Variants in STARD9 observed in about 807,000 individuals in gnomAD.
STARD9 encodes stAR-related lipid transfer protein 9.
STARD9 carries 346 observed loss-of-function variants against 399.8 expected under a neutral mutation model. The ratio of observed to expected loss-of-function variants is 0.87; its 90% CI spans 0.79 to 0.95. The LOEUF is 0.95. Ranked by LOEUF, STARD9 falls within the 40% of genes least tolerant of loss-of-function variation. The probability of loss-of-function intolerance (pLI) is 0.00; values close to 1 mark genes in which losing one functional copy is unlikely to be tolerated. For synonymous variants in STARD9, 2,203 were observed against 2,143.5 expected (o/e 1.03, Z -0.77); for missense variants, 5,832 against 5,667.5 (o/e 1.03, Z -0.93).
At chr15:42,649,061 G>T (rs185193256) in intron 7 of STARD9, among the ~76,000 whole-genome samples, 3 of 151,598 alleles carry the variant, frequency 2.0e-5, no homozygotes, top group Non-Finnish European at 2.9e-5. Flanking sequence ...ATGGAGCCTC[G>T]CTGTGTTGCC....
chr15:42,638,912 T>C (rs537881325), intron 7 of STARD9, 100 bp downstream of exon 7: 4 of 631,876 alleles, frequency 6.3e-6, no homozygotes, highest in South Asian at 2.3e-5. Flanking sequence ...TGAACACTTA[T>C]CGTGTGCCAG....
chr15:42,602,319 A>T (rs1294051608), intron 3 of STARD9, among the ~76,000 whole-genome samples: 2 of 152,158 alleles, frequency 1.3e-5, no homozygotes, highest in Non-Finnish European at 2.9e-5. Flanking sequence ...TTCCAGTTGC[A>T]GGTTTTGATA....
intron 7 of STARD9, among the ~76,000 whole-genome samples, chr15:42,644,929 C>G (rs2059618274): frequency 6.6e-6 from 1 of 152,188 alleles, no homozygotes; most frequent in Non-Finnish European, 1.5e-5. Flanking sequence ...CTCTGCTCAT[C>G]CATAAGAAGC....
At chr15:42,583,138 GC>G (rs2141660158) in intron 1 of STARD9, among the ~76,000 whole-genome samples, 1 of 152,296 alleles carries the variant, frequency 6.6e-6, no homozygotes, top group African/African-American at 2.4e-5. Context: ...GTGAATGTGA[GC>G]TGTTGCAGAG....
chr15:42,654,786 A>G (rs925120979), intron 9 of STARD9, among the ~76,000 whole-genome samples: 3 of 152,234 alleles, frequency 2.0e-5, no homozygotes, highest in South Asian at 2.1e-4. Flanking sequence ...ATATGACACA[A>G]ACAAATGGAA....
chr15:42,629,174 T>G (rs2059282508), intron 3 of STARD9, among the ~76,000 whole-genome samples: 1 of 151,988 alleles, frequency 6.6e-6, no homozygotes, highest in Admixed American at 6.6e-5. Flanking sequence ...TATACACCAC[T>G]ACACCCTGCT....
intron 30 of STARD9, 90 bp from the exon 31 acceptor site, chr15:42,718,345 G>A: frequency 8.0e-7 from 1 of 1,254,116 alleles, no homozygotes; most frequent in Non-Finnish European, 1.1e-6. Flanking sequence ...CAAGTGATGG[G>A]GTGTTGGGGG....
At chr15:42,640,075 AG>A (rs2059503770) in intron 7 of STARD9, among the ~76,000 whole-genome samples, 2 of 152,114 alleles carry the variant, frequency 1.3e-5, no homozygotes, top group African/African-American at 4.8e-5. Context: ...GTGTGCATCT[AG>A]GCAGCGGATT....
At position 42,660,519 on chromosome 15, in the gene STARD9, C is replaced by A. The variant is rs1467770331; in HGVS notation, c.703-639C>A. Among the ~76,000 whole-genome samples, 6 of 150,104 alleles carry A rather than the reference C, an allele frequency of 4.0e-5. No homozygotes were observed. The South Asian group carries it at 8.5e-4, about 21-fold the overall frequency. On this transcript the variant is annotated intron_variant, in intron 9 of 32. Coordinates refer to ENST00000290607, the MANE Select transcript of STARD9 (RefSeq NM_020759.3). ...GCCAGAGGTTGCAGTGGGCCGAGAT[C>A]GTGCCATTGCACTCCAGCCTGGGTA...
At chr15:42,619,013 A>AT (rs2059031100) in intron 3 of STARD9, among the ~76,000 whole-genome samples, 1 of 151,712 alleles carries the variant, frequency 6.6e-6, no homozygotes, top group Non-Finnish European at 1.5e-5. Flanking sequence ...TTTATAACAC[A>AT]TTTTGTTTTC....
At chr15:42,650,126 G>C (rs2059730409) in intron 7 of STARD9, among the ~76,000 whole-genome samples, 1 of 152,068 alleles carries the variant, frequency 6.6e-6, no homozygotes, top group South Asian at 2.1e-4. Context: ...GCCTCCCAAA[G>C]TGCTGGGATT....
At chr15:42,620,286 ATT>A (rs869052417) in intron 3 of STARD9, among the ~76,000 whole-genome samples, 1 of 146,706 alleles carries the variant, frequency 6.8e-6, no homozygotes, top group African/African-American at 2.5e-5. Flanking sequence ...TTATAAGTAG[ATT>A]TTTTTTTTTT....
intron 20 of STARD9, among the ~76,000 whole-genome samples, chr15:42,679,584 T>C (rs924556841): frequency 6.6e-6 from 1 of 152,176 alleles, no homozygotes; most frequent in African/African-American, 2.4e-5. Context: ...CCATCCATCT[T>C]TTACTATCCT....
At chr15:42,699,554 C>T (rs1595802410) in intron 26 of STARD9, among the ~76,000 whole-genome samples, 1 of 151,610 alleles carries the variant, frequency 6.6e-6, no homozygotes, top group East Asian at 1.9e-4. Context: ...CCACCACGCC[C>T]AGCTAATTTT....
rs1233082351 is a variant in STARD9, at chr15:42,687,261, T to C, written c.5683T>C (p.Cys1895Arg). The change falls in exon 23 of 33, where the codon TGC becomes CGC. Residue 1895 changes from cysteine (C) to arginine (R), a missense_variant. Around this residue, in one of 2 missense-constraint regions of STARD9, gnomAD observed 5,828 missense variants for 5,651.1 expected, o/e 1.03. Coordinates refer to ENST00000290607, the MANE Select transcript of STARD9 (RefSeq NM_020759.3). ...AGGAGAGGTCACTGCTCAGTCCTGT[T>C]GCGGTGCTTCCTCAGACAGCACTGA... ...EGGEVTAQSC[C>R]GASSDSTESG... 3.3e-6 allele frequency: 5 copies of C among 1,537,002 alleles called. No individual in the cohort carries two copies. Among genetic ancestry groups the C allele is most frequent in the Non-Finnish European group, 4.4e-6 (5 of 1,146,936 alleles).
rs1306734514 is a variant in STARD9 at position 42,687,010 on chromosome 15, C to T, written c.5432C>T (p.Ser1811Leu). ...CAAAACCAGAATTCTAAGATTGCCT[C>T]ATCTCAGCAGGTCACAGCTGAGATA... ...LLQNQNSKIA[S>L]SQQVTAEIPV... The change falls in exon 23 of 33, where the codon TCA becomes TTA. Residue 1811 changes from serine to leucine, a missense_variant. Physicochemically the swap from Ser to Leu is moderately radical, Grantham distance 145. Transcript: ENST00000290607. 2.6e-6 allele frequency: 4 copies of T among 1,536,886 alleles called. No homozygotes were observed. The highest frequency in any genetic ancestry group is 1.4e-5 in the African/African-American group (1 of 73,032).
chr15:42,609,317 A>G (rs2058801750), intron 3 of STARD9, among the ~76,000 whole-genome samples: 1 of 152,214 alleles, frequency 6.6e-6, no homozygotes, highest in South Asian at 2.1e-4. Context: ...GCTTCTATTC[A>G]TAACCCTAAT....
intron 1 of STARD9, among the ~76,000 whole-genome samples, chr15:42,579,693 C>G (rs1447474207): frequency 2.0e-5 from 3 of 152,064 alleles, no homozygotes; most frequent in Non-Finnish European, 4.4e-5. Context: ...AGCAGCCAAA[C>G]AAAGCAGATC....
At chr15:42,578,105 AAT>A (rs1491300181) in intron 1 of STARD9, among the ~76,000 whole-genome samples, 1 of 50,850 alleles carries the variant, frequency 2.0e-5, no homozygotes, top group Non-Finnish European at 3.9e-5. Flanking sequence ...GTTGACGCTC[AAT>A]TTTTTTTTTT....
Sources: allele counts gnomAD v4.1 joint callset (sites outside exome capture counted in the v4.1 genomes callset), GRCh38; gene constraint gnomAD v4.1.1; regional missense constraint gnomAD v4.1.1; transcripts MANE v1.5; gene names NCBI Gene and HGNC (gene_info 2026-07-23, HGNC 2026-07-21).